The following FGGY variants were observed in gnomAD, a reference collection of about 807,000 sequenced individuals.
FGGY encodes the protein FGGY carbohydrate kinase domain-containing protein.
FGGY carries 72 observed loss-of-function variants against 71.3 expected under a neutral mutation model. That is an observed-to-expected ratio of 1.01 (90% CI 0.84 to 1.23). The LOEUF (loss-of-function observed/expected upper bound fraction) is 1.23, where lower values mean the gene tolerates loss of function less well. FGGY is among the 50% of genes most tolerant of loss of function. The pLI, the probability that FGGY is intolerant of heterozygous loss-of-function variation, is 0.00. For missense variants in FGGY, 668 were observed against 682.3 expected (o/e 0.98, Z 0.23); for synonymous variants, 251 against 250.3 (o/e 1.00, Z -0.02).
chr1:59,596,581 A>C (rs976535905), intron 8 of FGGY, among the ~76,000 whole-genome samples: 2 of 152,040 alleles, frequency 1.3e-5, no homozygotes, highest in African/African-American at 4.8e-5. Context: ...TCTGAAGCTC[A>C]GTTTCCTTTT....
At chr1:59,726,308 C>T (rs2097947420) in intron 14 of FGGY, among the ~76,000 whole-genome samples, 1 of 152,010 alleles carries the variant, frequency 6.6e-6, no homozygotes, top group South Asian at 2.1e-4. Context: ...ATTCCTTTTA[C>T]ACGTTGTTGG....
At position 59,607,833 on chromosome 1, in the gene FGGY, G is replaced by T; in HGVS notation, c.934G>T (p.Val312Phe). 1 of 1,613,926 alleles carries T rather than the reference G, an allele frequency of 6.2e-7. No individual in the cohort carries two copies. The highest frequency in any genetic ancestry group is 8.5e-7 in the Non-Finnish European group (1 of 1,179,904). ...CAAAGACCCGATTTTTGTACCAGGC[G>T]TCTGGGGGCCTTATTTCTCAGCCAT... ...ISKDPIFVPGVWGPYFSAMVP... is the reference protein window; with the variant it reads ...ISKDPIFVPGFWGPYFSAMVP... Residue 312 changes from valine to phenylalanine, a missense_variant, in exon 9 of 16, where the codon GTC becomes TTC. Coordinates refer to ENST00000303721, the MANE Select transcript of FGGY (RefSeq NM_018291.5).
intron 8 of FGGY, among the ~76,000 whole-genome samples, chr1:59,584,577 A>G (rs2096251765): frequency 6.7e-6 from 1 of 150,058 alleles, no homozygotes; most frequent in South Asian, 2.1e-4. Context: ...TGAATGGGCA[A>G]AAACTGGAAG....
At chr1:59,674,575 G>A (rs7516441) in intron 14 of FGGY, among the ~76,000 whole-genome samples, 13,020 of 152,072 alleles carry the variant, frequency 0.086, 762 homozygotes, top group Middle Eastern at 0.16. Flanking sequence ...AAATAAAAAA[G>A]GAATTAAAAG....
At chr1:59,560,393 C>T (rs2153716007) in intron 8 of FGGY, among the ~76,000 whole-genome samples, 1 of 152,118 alleles carries the variant, frequency 6.6e-6, no homozygotes, top group Non-Finnish European at 1.5e-5. Context: ...GATCCTGGAG[C>T]AGAGAAAGAA....
chr1:59,664,349 G>A (rs572395726), intron 12 of FGGY, among the ~76,000 whole-genome samples: 2 of 152,198 alleles, frequency 1.3e-5, no homozygotes, highest in South Asian at 2.1e-4. Flanking sequence ...CTAAGGAACC[G>A]CCAGACTGAG....
intron 8 of FGGY, among the ~76,000 whole-genome samples, chr1:59,566,038 T>C (rs1021963033): frequency 1.3e-5 from 2 of 152,160 alleles, no homozygotes; most frequent in Admixed American, 6.5e-5. Context: ...TTTCTATTTG[T>C]TTGGAGAGCA....
intron 6 of FGGY, among the ~76,000 whole-genome samples, chr1:59,499,661 C>T (rs892222734): frequency 2.0e-4 from 30 of 152,090 alleles, no homozygotes; most frequent in African/African-American, 6.3e-4. Context: ...TAGTCGTATT[C>T]CATTTCTTCA....
At chr1:59,681,280 T>C (rs1457426130) in intron 14 of FGGY, among the ~76,000 whole-genome samples, 1 of 152,218 alleles carries the variant, frequency 6.6e-6, no homozygotes, top group Non-Finnish European at 1.5e-5. Flanking sequence ...TAAATGCTAT[T>C]GTTATTAACA....
intron 12 of FGGY, among the ~76,000 whole-genome samples, chr1:59,666,036 T>A (rs1031258020): frequency 6.6e-6 from 1 of 152,064 alleles, no homozygotes; most frequent in Non-Finnish European, 1.5e-5. Context: ...AAACACCTCC[T>A]CTCCCTCACT....
intron 3 of FGGY, among the ~76,000 whole-genome samples, chr1:59,344,573 A>G (rs752151556): frequency 7.2e-5 from 11 of 152,150 alleles, no homozygotes; most frequent in Non-Finnish European, 1.2e-4. Flanking sequence ...ACAGTATACA[A>G]TCCTTCCTCT....
chr1:59,693,529 T>A (rs973727354), intron 14 of FGGY, among the ~76,000 whole-genome samples: 4 of 151,984 alleles, frequency 2.6e-5, no homozygotes, highest in African/African-American at 9.7e-5. Flanking sequence ...GTAATGGTAG[T>A]GGTGGTGGAG....
intron 4 of FGGY, among the ~76,000 whole-genome samples, chr1:59,355,768 A>T (rs558038906): frequency 1.3e-5 from 2 of 152,154 alleles, no homozygotes; most frequent in East Asian, 3.9e-4. Context: ...CACCTAGTCC[A>T]GTCTGCCTCC....
chr1:59,579,885 C>T (rs2096156791), intron 8 of FGGY, among the ~76,000 whole-genome samples: 1 of 152,190 alleles, frequency 6.6e-6, no homozygotes, highest in South Asian at 2.1e-4. Flanking sequence ...AGATCTGTTC[C>T]TCTTACTTTT....
At position 59,667,392 on chromosome 1, in the gene FGGY, C is replaced by G; in HGVS notation, c.1406C>G (p.Ala469Gly). 2 of 1,613,996 alleles carry G rather than the reference C, an allele frequency of 1.2e-6. No individual in the cohort carries two copies. The highest frequency in any genetic ancestry group is 2.2e-5 in the South Asian group (2 of 91,080). The change falls in exon 13 of 16, where the codon GCG becomes GGG. Residue 469 changes from alanine (A) to glycine (G), a missense_variant. Ala to Gly is a moderately conservative substitution (Grantham distance 60). Coordinates refer to ENST00000303721, the MANE Select transcript of FGGY (RefSeq NM_018291.5). The stretch of plus-strand genomic sequence containing the variant: ...AATCCCCTTTTTGTGCAAATGCATG[C>G]GGACATTACTGGTAAGTCTGGGAAA... The part of the protein sequence containing the change: ...SKNPLFVQMH[A>G]DITGMPVVLS...
At chr1:59,404,622 G>A (rs1362131271) in intron 5 of FGGY, among the ~76,000 whole-genome samples, 6 of 152,164 alleles carry the variant, frequency 3.9e-5, no homozygotes, top group Admixed American at 2.0e-4. Context: ...TGCAGCAGGG[G>A]GCTGAGGCTG....
chr1:59,451,916 G>C (rs969366254), intron 5 of FGGY, among the ~76,000 whole-genome samples: 28 of 152,020 alleles, frequency 1.8e-4, no homozygotes, highest in African/African-American at 6.8e-4. Context: ...CTGGAAGCTT[G>C]TATAATTTTC....
chr1:59,694,282 C>G (rs930716337), intron 14 of FGGY, among the ~76,000 whole-genome samples: 1 of 146,154 alleles, frequency 6.8e-6, no homozygotes, highest in African/African-American at 2.5e-5. Flanking sequence ...AAGCAAGACT[C>G]CGTCTTAAAT....
intron 14 of FGGY, among the ~76,000 whole-genome samples, chr1:59,700,865 T>C (rs1247241225): frequency 6.6e-6 from 1 of 152,088 alleles, no homozygotes; most frequent in South Asian, 2.1e-4. Context: ...GAAGGGATGT[T>C]CGTGGTGAGT....
Sources: gnomAD v4.1 joint callset for allele counts (sites outside exome capture counted in the v4.1 genomes callset) on GRCh38, gnomAD v4.1.1 for gene constraint, MANE v1.5 for transcripts, NCBI Gene and HGNC (gene_info 2026-07-23, HGNC 2026-07-21) for gene names.